Variants in CLNK observed in about 807,000 individuals in gnomAD.
CLNK encodes the protein cytokine dependent hematopoietic cell linker, also known as cytokine-dependent hematopoietic cell linker.
CLNK carries 74 observed loss-of-function variants against 68.6 expected under a neutral mutation model. The ratio of observed to expected loss-of-function variants is 1.08; its 90% confidence interval spans 0.89 to 1.31. CLNK has a LOEUF of 1.31. Among genes scored for constraint, CLNK ranks in the 50% most tolerant of loss-of-function variants. The probability of loss-of-function intolerance (pLI) is 0.00; values close to 1 mark genes in which losing one functional copy is unlikely to be tolerated. For missense variants in CLNK, 553 were observed against 515.3 expected, an observed-to-expected ratio of 1.07 and a Z score of -0.71; for synonymous variants, 198 against 172.2, an observed-to-expected ratio of 1.15 and a Z score of -1.17.
chr4:10,618,773 C>T (rs1722322385), intron 2 of CLNK, among the ~76,000 whole-genome samples: 1 of 152,146 alleles, frequency 6.6e-6, no homozygotes, highest in Non-Finnish European at 1.5e-5. Flanking sequence ...CACTTTTAAA[C>T]AACCATATCT....
intron 2 of CLNK, among the ~76,000 whole-genome samples, chr4:10,602,049 T>C (rs544027231): frequency 2.6e-5 from 4 of 152,340 alleles, no homozygotes; most frequent in South Asian, 4.1e-4. Flanking sequence ...CACTCCAGAC[T>C]GTTTTCTTGA....
At chr4:10,611,488 C>T (rs1722018151) in intron 2 of CLNK, among the ~76,000 whole-genome samples, 1 of 90,012 alleles carries the variant, frequency 1.1e-5, no homozygotes, top group Non-Finnish European at 2.2e-5. Flanking sequence ...CAGAGGGAGG[C>T]TAAGTCTGAA....
At chr4:10,504,646 T>G (rs936969098) in intron 17 of CLNK, among the ~76,000 whole-genome samples, 2 of 152,176 alleles carry the variant, frequency 1.3e-5, no homozygotes, top group Non-Finnish European at 2.9e-5. Context: ...CCTAAAATGT[T>G]TAGTCATAAT....
At chr4:10,724,072 T>C in the CLNK span, among the ~76,000 whole-genome samples, 2 of 152,018 alleles carry the variant, frequency 1.3e-5, no homozygotes, top group African/African-American at 4.8e-5. Flanking sequence ...GTCGACGGGG[T>C]TGGGGGATGC....
In CLNK at chr4:10,564,776, A is replaced by G. The variant is rs140509002; in HGVS notation, c.294T>C (p.Asp98=). ...CCATTGCAACCTTGAAATAGTGTGTATCTATGCAAACAGAAAAATATGAAA... is the reference window on the plus strand; with the variant it reads ...CCATTGCAACCTTGAAATAGTGTGTGTCTATGCAAACAGAAAAATATGAAA... The part of the protein sequence containing the change: ...ARPIKESEYA[D]THYFKVAMDT... Residue 98 remains aspartate, a splice_region_variant and synonymous_variant, in exon 7 of 19, where the codon GAT becomes GAC. Coordinates refer to ENST00000226951, the MANE Select transcript of CLNK (RefSeq NM_052964.4). 2.1e-4 allele frequency: 326 copies of G among 1,586,028 alleles called. 2 individuals are homozygous for G. The African/African-American group carries it at 4.0e-3, about 19-fold the overall frequency.
At chr4:10,490,710 G>A (rs1248362630) in intron 18 of CLNK, 97 bp from the exon 19 acceptor site, 3 of 949,368 alleles carry the variant, frequency 3.2e-6, no homozygotes, top group Admixed American at 2.7e-5. Flanking sequence ...TGGGGAAGAG[G>A]TGAACCAATT....
At chr4:10,721,626 A>G in the CLNK span, among the ~76,000 whole-genome samples, 1 of 152,148 alleles carries the variant, frequency 6.6e-6, no homozygotes, top group Non-Finnish European at 1.5e-5. Flanking sequence ...ACACATTTAT[A>G]TTTTCATACA....
the CLNK span, among the ~76,000 whole-genome samples, chr4:10,692,788 G>A: frequency 6.6e-6 from 1 of 152,182 alleles, no homozygotes; most frequent in Admixed American, 6.5e-5. Flanking sequence ...TATCTGTATT[G>A]TTTATGCTCT....
At chr4:10,509,005 G>T (rs1168561981) in intron 16 of CLNK, among the ~76,000 whole-genome samples, 1 of 151,154 alleles carries the variant, frequency 6.6e-6, no homozygotes, top group Non-Finnish European at 1.5e-5. Flanking sequence ...TACTTGGGAG[G>T]CTGAGGCAGG....
At chr4:10,545,828 C>T (rs886189767) in intron 8 of CLNK, among the ~76,000 whole-genome samples, 1 of 152,160 alleles carries the variant, frequency 6.6e-6, no homozygotes, top group African/African-American at 2.4e-5. Context: ...AGAATTAGCA[C>T]CACACAGATA....
chr4:10,705,464 C>CT, the CLNK span, among the ~76,000 whole-genome samples: 2 of 152,192 alleles, frequency 1.3e-5, no homozygotes, highest in Admixed American at 1.3e-4. Flanking sequence ...GGAAGCAGTG[C>CT]TGTGTTTCCT....
intron 2 of CLNK, among the ~76,000 whole-genome samples, chr4:10,657,011 A>G (rs1021367977): frequency 1.4e-4 from 21 of 152,202 alleles, no homozygotes; most frequent in African/African-American, 4.8e-4. Context: ...GCTGTTTTAA[A>G]TGTCTTATAC....
intron 1 of CLNK, among the ~76,000 whole-genome samples, chr4:10,682,154 A>AT (rs1423352651): frequency 1.2e-4 from 17 of 139,778 alleles, no homozygotes; most frequent in African/African-American, 3.6e-4. Context: ...TGTGTGTGTG[A>AT]TTTTTTCGTT....
intron 3 of CLNK, among the ~76,000 whole-genome samples, chr4:10,590,619 C>T (rs1480911985): frequency 6.6e-6 from 1 of 152,214 alleles, no homozygotes; most frequent in African/African-American, 2.4e-5. Context: ...ACTGGCCCAG[C>T]TCCACATCTC....
chr4:10,727,782 A>G, the CLNK span, among the ~76,000 whole-genome samples: 2 of 152,242 alleles, frequency 1.3e-5, no homozygotes, highest in Non-Finnish European at 2.9e-5. Context: ...AACACCAGGC[A>G]GCAGAGAGAA....
intron 2 of CLNK, among the ~76,000 whole-genome samples, chr4:10,645,922 C>A (rs1723493424): frequency 6.6e-6 from 1 of 152,090 alleles, no homozygotes; most frequent in Non-Finnish European, 1.5e-5. Flanking sequence ...CTTGTGAATT[C>A]TATTTATGTA....
intron 2 of CLNK, among the ~76,000 whole-genome samples, chr4:10,648,779 G>A (rs116840273): frequency 0.014 from 2,108 of 152,260 alleles, 52 homozygotes; most frequent in African/African-American, 0.045. Context: ...AAGCTTGAAA[G>A]AACACAGAAG....
Position 10,501,956 on chromosome 4 carries a change from T to C in CLNK, c.985-545A>G, listed in dbSNP as rs975465081. ...ACAAAAACAAAAAGAAAAAAGAAAA[T>C]CTTTCATCATTTCCTACTGACCTGG... On this transcript the variant is annotated intron_variant, in intron 17 of 18. Coordinates refer to ENST00000226951, the MANE Select transcript of CLNK (RefSeq NM_052964.4). Among the ~76,000 whole-genome samples the C allele has an allele frequency of 2.6e-5, 4 of 151,816 alleles. No homozygotes were observed. The East Asian group carries it at 7.7e-4, about 29-fold the overall frequency.
chr4:10,716,599 G>T, the CLNK span, among the ~76,000 whole-genome samples: 9,886 of 151,478 alleles, frequency 0.065, 479 homozygotes, highest in South Asian at 0.21. Flanking sequence ...AACAAATACT[G>T]ATAGACACAG....
Sources: gnomAD v4.1 joint callset for allele counts (sites outside exome capture counted in the v4.1 genomes callset) on GRCh38, gnomAD v4.1.1 for gene constraint, MANE v1.5 for transcripts, NCBI Gene and HGNC (gene_info 2026-07-23, HGNC 2026-07-21) for gene names.